The following NAALADL2 variants were observed in gnomAD, a reference collection of about 807,000 sequenced individuals.
The protein encoded by NAALADL2 is N-acetylated alpha-linked acidic dipeptidase like 2, also known as inactive N-acetylated-alpha-linked acidic dipeptidase-like protein 2.
A neutral mutation model predicts 87.2 loss-of-function variants in NAALADL2; 76 were observed. That is an observed-to-expected ratio of 0.87 (90% CI 0.72 to 1.05). The LOEUF (loss-of-function observed/expected upper bound fraction) is 1.05, where lower values mean the gene tolerates loss of function less well. Ranked by LOEUF, NAALADL2 falls within the 50% of genes least tolerant of loss-of-function variation. NAALADL2 has a pLI of 0.00. For synonymous variants in NAALADL2, 354 were observed against 331.0 expected (o/e 1.07, Z -0.75); for missense variants, 1,089 against 945.8 (o/e 1.15, Z -1.99).
chr3:174,737,919 T>C (rs1733371467), intron 3 of NAALADL2, among the ~76,000 whole-genome samples: 1 of 152,222 alleles, frequency 6.6e-6, no homozygotes, highest in Non-Finnish European at 1.5e-5. Context: ...TATTTATCTT[T>C]TATTTCATGG....
intron 2 of NAALADL2, among the ~76,000 whole-genome samples, chr3:174,664,549 T>C (rs958782765): frequency 6.6e-6 from 1 of 152,198 alleles, no homozygotes; most frequent in Non-Finnish European, 1.5e-5. Context: ...TGACATTGTA[T>C]TAAAAATAGA....
At chr3:174,762,864 C>T (rs751616069) in intron 3 of NAALADL2, among the ~76,000 whole-genome samples, 31 of 152,030 alleles carry the variant, frequency 2.0e-4, no homozygotes, top group Non-Finnish European at 4.4e-4. Context: ...AAAATTAAAA[C>T]AATCAAGAAC....
intron 4 of NAALADL2, among the ~76,000 whole-genome samples, chr3:175,266,704 C>T (rs1319022327): frequency 6.6e-6 from 1 of 151,684 alleles, no homozygotes; most frequent in Admixed American, 6.6e-5. Context: ...AAACATGAGT[C>T]ATAGAATGAA....
At chr3:175,152,022 G>A (rs1463531) in intron 2 of NAALADL2, among the ~76,000 whole-genome samples, 45,578 of 151,916 alleles carry the variant, frequency 0.3, 7,049 homozygotes, top group South Asian at 0.35. Context: ...TGTCTTCTTT[G>A]TAGTTTGTGT....
At chr3:175,018,772 CA>C (rs1751183469) in intron 1 of NAALADL2, among the ~76,000 whole-genome samples, 1 of 152,028 alleles carries the variant, frequency 6.6e-6, no homozygotes, top group Non-Finnish European at 1.5e-5. Context: ...CACAACACTG[CA>C]AAAGAGCATG....
At chr3:174,777,112 A>C (rs1210349223) in intron 3 of NAALADL2, among the ~76,000 whole-genome samples, 1 of 152,146 alleles carries the variant, frequency 6.6e-6, no homozygotes, top group African/African-American at 2.4e-5. Flanking sequence ...GACAGAATAC[A>C]ACAATTTCCT....
intron 5 of NAALADL2, among the ~76,000 whole-genome samples, chr3:175,402,729 T>C (rs1466529764): frequency 6.6e-6 from 1 of 152,044 alleles, no homozygotes; most frequent in African/African-American, 2.4e-5. Context: ...TGGATTTTAG[T>C]ATCTTCTGGG....
chr3:175,771,524 G>A (rs930490954), intron 13 of NAALADL2, among the ~76,000 whole-genome samples: 1 of 152,158 alleles, frequency 6.6e-6, no homozygotes, highest in Non-Finnish European at 1.5e-5. Flanking sequence ...CAAGAGGTCA[G>A]CAGGGCCATG....
At chr3:175,775,295 A>T (rs1486182467) in intron 13 of NAALADL2, 2 of 152,216 alleles carry the variant, frequency 1.3e-5, no homozygotes, top group East Asian at 3.9e-4. Context: ...TATTTGTTGA[A>T]TGTAAATTCG....
chr3:175,806,697 T>C lies in NAALADL2; in HGVS notation c.*3494T>C. ...GAATTTTTCCCATGTATCCTTTTTT[T>C]TTTTTTTTTTTTTTTTTAATTCCCA... On this transcript the variant is annotated 3_prime_UTR_variant, in exon 14 of 14. Transcript: ENST00000454872. 1.0e-5 allele frequency: 1 copy of C among 96,154 alleles called. No individual in the cohort carries two copies. Among genetic ancestry groups the C allele is most frequent in the East Asian group, 2.6e-4 (1 of 3,824 alleles). The allele number at this position is 96,154 out of a possible 1,614,324, so 6.0% of individuals were successfully genotyped here.
At chr3:175,432,448 T>G (rs957349221) in intron 5 of NAALADL2, among the ~76,000 whole-genome samples, 1 of 152,036 alleles carries the variant, frequency 6.6e-6, no homozygotes, top group Non-Finnish European at 1.5e-5. Context: ...CAGTACTTAC[T>G]CAGTTTTCTT....
intron 11 of NAALADL2, among the ~76,000 whole-genome samples, chr3:175,638,294 C>T (rs554801085): frequency 6.6e-6 from 1 of 152,268 alleles, no homozygotes; most frequent in South Asian, 2.1e-4. Context: ...TTCCTTTTCA[C>T]CTTTTCTTAT....
chr3:175,160,219 A>G (rs879496594), intron 2 of NAALADL2, among the ~76,000 whole-genome samples: 2 of 151,588 alleles, frequency 1.3e-5, no homozygotes, highest in Middle Eastern at 3.2e-3. Context: ...TTATATAATA[A>G]ATTGTTCCCA....
At chr3:174,872,785 A>G (rs1298822157) in intron 1 of NAALADL2, among the ~76,000 whole-genome samples, 1 of 152,028 alleles carries the variant, frequency 6.6e-6, no homozygotes, top group African/African-American at 2.4e-5. Context: ...TTCTCTGATA[A>G]ACATTCTGAA....
intron 1 of NAALADL2, among the ~76,000 whole-genome samples, chr3:174,488,247 A>G (rs1309650836): frequency 6.6e-6 from 1 of 152,074 alleles, no homozygotes; most frequent in East Asian, 1.9e-4. Context: ...CAAAGACCAC[A>G]TAATTTGAAG....
intron 3 of NAALADL2, among the ~76,000 whole-genome samples, chr3:175,247,668 T>C (rs1238761753): frequency 6.6e-6 from 1 of 152,092 alleles, no homozygotes; most frequent in East Asian, 1.9e-4. Flanking sequence ...AAATGCAGAA[T>C]GCCTTGTTCA....
intron 1 of NAALADL2, among the ~76,000 whole-genome samples, chr3:175,063,907 A>G (rs542537484): frequency 5.3e-5 from 8 of 152,318 alleles, no homozygotes; most frequent in Admixed American, 3.9e-4. Context: ...TTTAAATGCT[A>G]TTTAACTAAT....
At chr3:175,100,072 C>T (rs766889938) in intron 2 of NAALADL2, among the ~76,000 whole-genome samples, 8 of 151,114 alleles carry the variant, frequency 5.3e-5, no homozygotes, top group Non-Finnish European at 8.8e-5. Context: ...ATTATGATTA[C>T]TCAGAGGATA....
intron 2 of NAALADL2, among the ~76,000 whole-genome samples, chr3:174,622,248 G>T (rs899683432): frequency 6.6e-5 from 10 of 152,140 alleles, no homozygotes; most frequent in Non-Finnish European, 8.8e-5. Flanking sequence ...GAATGAAGAG[G>T]AGGATAGGCA....
Sources: allele counts gnomAD v4.1 joint callset (sites outside exome capture counted in the v4.1 genomes callset), GRCh38; gene constraint gnomAD v4.1.1; transcripts MANE v1.5; gene names NCBI Gene and HGNC (gene_info 2026-07-23, HGNC 2026-07-21).